ITPR1: variants seen among roughly 807,000 people sequenced by gnomAD.
The protein encoded by ITPR1 is inositol 1,4,5-trisphosphate receptor type 1.
In ITPR1, 96 loss-of-function variants were observed where a neutral mutation model predicts 318.4. The observed-to-expected ratio is 0.30, with a 90% CI of 0.26 to 0.36. The LOEUF is 0.36. Among genes scored for constraint, ITPR1 ranks in the 10% least tolerant of loss-of-function variants. The pLI is 1.00. For synonymous variants in ITPR1, 1,312 were observed against 1,289.9 expected, an observed-to-expected ratio of 1.02 and a Z score of -0.37; for missense variants, 2,440 against 3,460.2, an observed-to-expected ratio of 0.71 and a Z score of 7.40.
At chr3:4,736,857 G>T (rs1004783458) in intron 44 of ITPR1, among the ~76,000 whole-genome samples, 1 of 152,198 alleles carries the variant, frequency 6.6e-6, no homozygotes, top group African/African-American at 2.4e-5. Flanking sequence ...CCCTTTCTGC[G>T]TATGTGCTGC....
intron 4 of ITPR1, among the ~76,000 whole-genome samples, chr3:4,527,431 T>C (rs2083069840): frequency 1.3e-5 from 2 of 152,176 alleles, no homozygotes; most frequent in South Asian, 4.1e-4. Flanking sequence ...CACCTTGGCC[T>C]CTCAAATTGC....
At chr3:4,514,076 G>A (rs138708256) in intron 2 of ITPR1, among the ~76,000 whole-genome samples, 1,745 of 149,620 alleles carry the variant, frequency 0.012, 28 homozygotes, top group African/African-American at 0.04. Flanking sequence ...AACAGAGCAA[G>A]ACTCTGTCTA....
Position 4,667,368 on chromosome 3 carries a change from C to T in ITPR1, c.1714-9C>T, listed in dbSNP as rs367806130. On this transcript the variant is annotated splice_polypyrimidine_tract_variant and intron_variant, in intron 17 of 61. Transcript: ENST00000649015. ...TTCCTACTGACGTCTCTTTTCTCTC[C>T]TTATAAAGGAGTATATAGCCAAGCA... The T allele has an allele frequency of 6.3e-7, 1 of 1,593,876 alleles. No individual in the cohort carries two copies.
chr3:4,577,254 G>A (rs752988847), intron 4 of ITPR1, among the ~76,000 whole-genome samples: 16 of 152,206 alleles, frequency 1.1e-4, no homozygotes, highest in Non-Finnish European at 7.3e-5. Context: ...TGGCTTTCTA[G>A]TTGGCCCTGA....
chr3:4,800,738 G>A, intron 54 of ITPR1, 138 bp downstream of exon 54: 1 of 853,424 alleles, frequency 1.2e-6, no homozygotes, highest in Non-Finnish European at 1.8e-6. Flanking sequence ...ATAGCCAGAA[G>A]CAGGGGATGG....
chr3:4,520,581 C>T (rs1444185111), intron 3 of ITPR1, among the ~76,000 whole-genome samples: 1 of 152,158 alleles, frequency 6.6e-6, no homozygotes, highest in Non-Finnish European at 1.5e-5. Flanking sequence ...TCTCTTACAG[C>T]CCTTAGATTA....
At chr3:4,814,593 A>ATG in intron 58 of ITPR1, 31 bp downstream of exon 58, 2 of 893,310 alleles carry the variant, frequency 2.2e-6, no homozygotes, top group Non-Finnish European at 3.5e-6. Context: ...AGGAAGGGCA[A>ATG]AGGGGGCGGG....
At chr3:4,735,070 C>T (rs1167793665) in intron 43 of ITPR1, 94 bp from the exon 44 acceptor site, 2 of 896,114 alleles carry the variant, frequency 2.2e-6, no homozygotes, top group African/African-American at 3.3e-5. Context: ...ATGGGTAAAG[C>T]ATTTAGTGCA....
chr3:4,725,646 G>C (rs1481381379), intron 41 of ITPR1, 65 bp downstream of exon 41: 4 of 1,390,842 alleles, frequency 2.9e-6, no homozygotes, highest in South Asian at 2.3e-5. Context: ...CAGTTGTCCT[G>C]GTTGGGTGTC....
chr3:4,750,816 CA>C (rs1265082051), intron 44 of ITPR1: 2 of 152,144 alleles, frequency 1.3e-5, no homozygotes, highest in Admixed American at 1.3e-4. Context: ...TCTCCGGAAA[CA>C]GAATATTTTC....
At chr3:4,757,417 A>G (rs763151957) in intron 44 of ITPR1, among the ~76,000 whole-genome samples, 53 of 152,228 alleles carry the variant, frequency 3.5e-4, no homozygotes, top group Non-Finnish European at 5.6e-4. Flanking sequence ...TTCTGCCACT[A>G]TTCTTTACTG....
At chr3:4,812,959 C>T (rs2049036464) in intron 56 of ITPR1, 183 bp from the exon 57 acceptor site, 5 of 605,236 alleles carry the variant, frequency 8.3e-6, no homozygotes, top group South Asian at 2.0e-5. Context: ...ACATTTTTGG[C>T]TTTTTTCCCA....
intron 4 of ITPR1, among the ~76,000 whole-genome samples, chr3:4,599,272 A>G (rs983343133): frequency 1.3e-5 from 2 of 151,856 alleles, no homozygotes; most frequent in Non-Finnish European, 2.9e-5. Flanking sequence ...CATGGCCTTC[A>G]CTCTCTGTAG....
intron 60 of ITPR1, among the ~76,000 whole-genome samples, chr3:4,835,111 C>T (rs965944627): frequency 3.3e-5 from 5 of 151,806 alleles, no homozygotes; most frequent in African/African-American, 1.2e-4. Flanking sequence ...TGACTGTGAC[C>T]CTGCCCGCCC....
chr3:4,546,454 G>A (rs2085009360), intron 4 of ITPR1, among the ~76,000 whole-genome samples: 1 of 152,200 alleles, frequency 6.6e-6, no homozygotes, highest in African/African-American at 2.4e-5. Flanking sequence ...CAGAGGTAGA[G>A]CCAAGACTTG....
At chr3:4,672,444 C>T (rs2094107369) in intron 20 of ITPR1, among the ~76,000 whole-genome samples, 1 of 152,172 alleles carries the variant, frequency 6.6e-6, no homozygotes, top group Non-Finnish European at 1.5e-5. Flanking sequence ...GTTTTTAATT[C>T]AGAAGGCAGT....
chr3:4,785,031 A>G (rs2047094287), intron 51 of ITPR1, among the ~76,000 whole-genome samples: 1 of 152,212 alleles, frequency 6.6e-6, no homozygotes, highest in South Asian at 2.1e-4. Context: ...AAAAGAAGAC[A>G]AGCTGAAGCC....
chr3:4,686,649 G>A (rs1158991696), intron 30 of ITPR1, among the ~76,000 whole-genome samples: 1 of 152,160 alleles, frequency 6.6e-6, no homozygotes, highest in Non-Finnish European at 1.5e-5. Flanking sequence ...ACATGTGCAC[G>A]CTTTTGTTTG....
At chr3:4,653,947 G>A in intron 12 of ITPR1, 61 bp downstream of exon 12, 2 of 1,222,770 alleles carry the variant, frequency 1.6e-6, no homozygotes, top group South Asian at 1.3e-5. Context: ...ATGATCTGGA[G>A]CTCCATTTAA....
Sources: gnomAD v4.1 joint callset for allele counts (sites outside exome capture counted in the v4.1 genomes callset) on GRCh38, gnomAD v4.1.1 for gene constraint, MANE v1.5 for transcripts, NCBI Gene and HGNC (gene_info 2026-07-23, HGNC 2026-07-21) for gene names.